The following ARHGEF1 variants were observed in gnomAD, a reference collection of about 807,000 sequenced individuals.
ARHGEF1 encodes 115 kDa guanine nucleotide exchange factor.
ARHGEF1 carries 40 observed loss-of-function variants against 119.7 expected under a neutral mutation model. That is an observed-to-expected ratio of 0.33 (90% CI 0.26 to 0.44). The LOEUF (loss-of-function observed/expected upper bound fraction) is 0.44, where lower values mean the gene tolerates loss of function less well. Among genes scored for constraint, ARHGEF1 ranks in the 20% least tolerant of loss-of-function variants. The pLI is 1.00. For synonymous variants in ARHGEF1, 494 were observed against 521.0 expected (o/e 0.95, Z 0.71); for missense variants, 976 against 1,268.3 (o/e 0.77, Z 3.50).
At chr19:41,885,828 C>CT (rs1316354705) in intron 1 of ARHGEF1, among the ~76,000 whole-genome samples, 1 of 152,196 alleles carries the variant, frequency 6.6e-6, no homozygotes, top group African/African-American at 2.4e-5. Flanking sequence ...TTTTGGCTCA[C>CT]TGCAACCTCT....
At chr19:41,926,878 G>C (rs1401871347) in intron 1 of ARHGEF1, among the ~76,000 whole-genome samples, 2 of 152,116 alleles carry the variant, frequency 1.3e-5, no homozygotes, top group Non-Finnish European at 2.9e-5. Context: ...GGAAACCAGC[G>C]AGGGGGAGAC....
At chr19:41,928,671 T>C in intron 1 of ARHGEF1, 1 of 323,470 alleles carries the variant, frequency 3.1e-6, no homozygotes. Flanking sequence ...GAAAATAAAG[T>C]TCAGAGCTGA....
Position 41,904,845 on chromosome 19 carries a change from C to A in ARHGEF1, c.2162-104C>A. The A allele has an allele frequency of 1.1e-6, 1 of 950,302 alleles. No homozygotes were observed. The highest frequency in any genetic ancestry group is 1.6e-5 in the African/African-American group (1 of 61,858). 58.9% of individuals were successfully genotyped at this position (950,302 alleles called of 1,614,324 possible). ...AGTGGTGAGTTGAGCCATGGGAGCC[C>A]TGAGAGCGCCACCACTGTGGGTGAC... On this transcript the variant is annotated intron_variant, in intron 22 of 28. Transcript: ENST00000354532. This position sits in a 1 kb window ranked among gnomAD's most constrained non-coding sequence, Gnocchi z 8.4.
rs782801368 is a variant in ARHGEF1 at position 41,892,726 on chromosome 19, G to A, written c.491G>A (p.Gly164Asp). 1.9e-6 allele frequency: 3 copies of A among 1,612,608 alleles called. No individual in the cohort carries two copies. The South Asian group carries it at 3.3e-5, about 18-fold the overall frequency. ...GACTTCCGTTCCAAGCGGCTCATGG[G>A]CATGACGCCCTGGGAGCAGGAGCTG... ...LEDFRSKRLM[G>D]MTPWEQELAQ... Residue 164 changes from glycine to aspartate, a missense_variant, in exon 7 of 29, where the codon GGC becomes GAC. Coordinates refer to ENST00000354532, the MANE Select transcript of ARHGEF1 (RefSeq NM_004706.4). The surrounding 1 kb of genome is among the most constrained non-coding windows in gnomAD (Gnocchi z 6.3).
chr19:41,919,099 C>T (rs1030713397), upstream of ARHGEF1, among the ~76,000 whole-genome samples: 1 of 151,722 alleles, frequency 6.6e-6, no homozygotes, highest in Non-Finnish European at 1.5e-5. Flanking sequence ...CCACATGCCA[C>T]ACATAACACA....
intron 13 of ARHGEF1, chr19:41,898,097 C>T (rs2074542083): frequency 7.2e-7 from 1 of 1,379,412 alleles, no homozygotes; most frequent in African/African-American, 1.5e-5. Context: ...AGTGCTTGGC[C>T]CTGCCCGACG....
Position 41,907,390 on chromosome 19 carries a change from CT to C in ARHGEF1, c.*305del. ...CCCCTCCACCCCCACCCCCAAGTGCCTTCGCTCTGTTTTTATACCCTGAATT... is the reference window on the plus strand; with the variant it reads ...CCCCTCCACCCCCACCCCCAAGTGCCTCGCTCTGTTTTTATACCCTGAATT... On this transcript the variant is annotated 3_prime_UTR_variant, in exon 29 of 29. Coordinates refer to ENST00000354532, the MANE Select transcript of ARHGEF1 (RefSeq NM_004706.4). 1.3e-6 allele frequency: 2 copies of C among 1,535,262 alleles called. No individual in the cohort carries two copies. The highest frequency in any genetic ancestry group is 2.4e-5 in the South Asian group (2 of 83,982).
intron 14 of ARHGEF1, among the ~76,000 whole-genome samples, chr19:41,900,226 CGA>C (rs1322213845): frequency 3.3e-5 from 5 of 152,110 alleles, no homozygotes; most frequent in African/African-American, 1.2e-4. Context: ...CCCAGATACT[CGA>C]GAGAGTAAGC....
In ARHGEF1 at chr19:41,888,976, G is replaced by T; in HGVS notation, c.225+111G>T. ...TGGAGGGTCTGGAAAAGCAGATCTAGAACACAGAGAGCCAGATCTAGAAAG... is the reference window on the plus strand; with the variant it reads ...TGGAGGGTCTGGAAAAGCAGATCTATAACACAGAGAGCCAGATCTAGAAAG... On this transcript the variant is annotated intron_variant, in intron 4 of 28. Coordinates refer to ENST00000354532, the MANE Select transcript of ARHGEF1 (RefSeq NM_004706.4). The surrounding 1 kb of genome is among the most constrained non-coding windows in gnomAD (Gnocchi z 5.1). The T allele has an allele frequency of 2.3e-6, 2 of 855,884 alleles. No homozygotes were observed. The highest frequency in any genetic ancestry group is 1.7e-5 in the South Asian group (1 of 58,366). The allele number at this position is 855,884 out of a possible 1,614,324, so 53.0% of individuals were successfully genotyped here. A position where few individuals can be genotyped will look rare whatever the true frequency, so the allele number is the denominator to read the frequency against.
intron 13 of ARHGEF1, chr19:41,897,206 C>A: frequency 9.0e-7 from 1 of 1,115,726 alleles, no homozygotes; most frequent in Non-Finnish European, 1.2e-6. Flanking sequence ...GCAGGCTCTG[C>A]CTCCTGCCCG....
At chr19:41,914,929 G>GTCTCTGTCTCTCCCTCCTCTTCCACTA (rs1555851776) in intron 18 of ARHGEF1, among the ~76,000 whole-genome samples, 22 of 103,500 alleles carry the variant, frequency 2.1e-4, no homozygotes, top group Admixed American at 1.9e-3. Context: ...CACCATCTCC[G>GTCTCTGTCTCTCCCTCCTCTTCCACTA]TCTCTGTCTC....
chr19:41,928,914 C>G (rs1285667760), exon 2 of ARHGEF1: 1 of 456,164 alleles, frequency 2.2e-6, no homozygotes, highest in Non-Finnish European at 4.4e-6. Flanking sequence ...AAGCCTGGAC[C>G]GGGACTGGAA....
chr19:41,910,033 C>T, downstream of ARHGEF1: 1 of 1,613,668 alleles, frequency 6.2e-7, no homozygotes, highest in Middle Eastern at 1.7e-4. This position sits in a 1 kb window ranked among gnomAD's most constrained non-coding sequence, Gnocchi z 4.4. Context: ...TAAAGTGCCA[C>T]AGCTGGATCT....
At position 41,904,743 on chromosome 19, in the gene ARHGEF1, C is replaced by T. The variant is rs1243290646; in HGVS notation, c.2162-206C>T. ...GGGTTTCGTTAGGTAAGCCAGGGTA[C>T]ATGCCCGATTCCATAAGGAGGTGTG... is the stretch of plus-strand genomic sequence containing the variant. On this transcript the variant is annotated intron_variant, in intron 22 of 28. Transcript: ENST00000354532. The surrounding 1 kb of genome is among the most constrained non-coding windows in gnomAD (Gnocchi z 8.4). Among the ~76,000 whole-genome samples the T allele has an allele frequency of 2.0e-5, 3 of 152,086 alleles. No homozygotes were observed. Among genetic ancestry groups the T allele is most frequent in the Non-Finnish European group, 4.4e-5 (3 of 68,012 alleles).
chr19:41,907,652 G>T, downstream of ARHGEF1: 1 of 440,240 alleles, frequency 2.3e-6, no homozygotes, highest in Non-Finnish European at 4.0e-6. Context: ...CCCTGACACC[G>T]CCCTCCAGCT....
At chr19:41,923,038 C>T, upstream of ARHGEF1, 1 of 408,334 alleles carries the variant, frequency 2.4e-6, no homozygotes, top group South Asian at 1.8e-5. Context: ...GCTGGGGGAA[C>T]CCACAGAGGG....
intron 14 of ARHGEF1, among the ~76,000 whole-genome samples, chr19:41,899,791 A>G (rs1188553307): frequency 6.6e-6 from 1 of 152,006 alleles, no homozygotes; most frequent in African/African-American, 2.4e-5. Flanking sequence ...TGCCTAGCCC[A>G]AGAGAAAGGT....
intron 1 of ARHGEF1, among the ~76,000 whole-genome samples, chr19:41,925,152 T>C (rs1410877669): frequency 3.3e-5 from 5 of 152,100 alleles, no homozygotes; most frequent in Non-Finnish European, 7.4e-5. Context: ...AGTGGGGGTA[T>C]GCATAGTGGG....
Position 41,884,159 on chromosome 19 carries a change from C to T in ARHGEF1, c.-20+870C>T, listed in dbSNP as rs1473671076. ...CGATCGAACTCGGGAGGAGTTGGACCCATCTGCACCTCCGGGCGCGGGGCG... is the reference window on the plus strand; with the variant it reads ...CGATCGAACTCGGGAGGAGTTGGACTCATCTGCACCTCCGGGCGCGGGGCG... On this transcript the variant is annotated intron_variant, in intron 1 of 28. Coordinates refer to ENST00000354532, the MANE Select transcript of ARHGEF1 (RefSeq NM_004706.4). 3.3e-5 allele frequency among the ~76,000 whole-genome samples: 5 copies of T among 152,186 alleles called. No individual in the cohort carries two copies. The East Asian group carries it at 7.7e-4, about 23-fold the overall frequency.
Sources: gnomAD v4.1 joint callset for allele counts (sites outside exome capture counted in the v4.1 genomes callset) on GRCh38, gnomAD v4.1.1 for gene constraint, Gnocchi (gnomAD v3.1) non-coding constraint, MANE v1.5 for transcripts, NCBI Gene and HGNC (gene_info 2026-07-23, HGNC 2026-07-21) for gene names.